The following DNAH8 variants were observed in gnomAD, a reference collection of about 807,000 sequenced individuals.
DNAH8 encodes axonemal beta dynein heavy chain 8.
DNAH8 carries 382 observed loss-of-function variants against 562.1 expected under a neutral mutation model. That is an observed-to-expected ratio of 0.68 (90% CI 0.63 to 0.74). The LOEUF is 0.74. Among genes scored for constraint, DNAH8 ranks in the 30% least tolerant of loss-of-function variants. The pLI is 0.00. For missense variants in DNAH8, 5,203 were observed against 5,620.4 expected, an observed-to-expected ratio of 0.93 and a Z score of 2.37; for synonymous variants, 1,881 against 1,919.4, an observed-to-expected ratio of 0.98 and a Z score of 0.52.
chr6:38,803,333 T>C (rs1583046514), intron 22 of DNAH8, 22 bp downstream of exon 22: 1 of 1,580,808 alleles, frequency 6.3e-7, no homozygotes, highest in East Asian at 2.3e-5. Flanking sequence ...CGTTACTGTG[T>C]TTGAATTACA....
In DNAH8 at chr6:38,866,749, C is replaced by A. The variant is rs776052303; in HGVS notation, c.6586-20C>A. Reference sequence around the variant, plus strand: ...TGTTTTTCACTAAAGTTGAAAAAAACTCACTATATTAATTTTCAGATCATT... The same window carrying A: ...TGTTTTTCACTAAAGTTGAAAAAAAATCACTATATTAATTTTCAGATCATT... On this transcript the variant is annotated intron_variant, in intron 46 of 92. Transcript: ENST00000327475. 6 of 1,598,868 alleles carry A rather than the reference C, an allele frequency of 3.8e-6. No individual in the cohort carries two copies. In the African/African-American group the frequency reaches 8.1e-5, roughly 22 times the overall value.
intron 57 of DNAH8, among the ~76,000 whole-genome samples, chr6:38,888,535 C>A (rs1779118525): frequency 6.6e-6 from 1 of 151,912 alleles, no homozygotes; most frequent in South Asian, 2.1e-4. Context: ...TCCTATAAAT[C>A]AGTCAGTCAA....
In DNAH8 at chr6:38,838,049, T is replaced by C. The variant is rs780754826; in HGVS notation, c.4466+7T>C. On this transcript the variant is annotated splice_region_variant and intron_variant, in intron 33 of 92. Coordinates refer to ENST00000327475, the MANE Select transcript of DNAH8 (RefSeq NM_001206927.2). ...AGGTTTTACACAAAACCAGGTAAGT[T>C]TAGAAAATAAGCAAGTATTACATGC... The C allele has an allele frequency of 6.3e-7, 1 of 1,576,988 alleles. No homozygotes were observed. Among genetic ancestry groups the C allele is most frequent in the East Asian group, 2.2e-5 (1 of 44,546 alleles).
chr6:38,958,304 C>A (rs112356455), intron 82 of DNAH8, among the ~76,000 whole-genome samples: 1 of 150,610 alleles, frequency 6.6e-6, no homozygotes, highest in Non-Finnish European at 1.5e-5. Context: ...CGCGCCCGGC[C>A]GATAGAAATT....
In DNAH8 at chr6:38,788,164, T is replaced by TG. The variant is rs549899963; in HGVS notation, c.2583+1212_2583+1213insG. On this transcript the variant is annotated intron_variant, in intron 18 of 92. Coordinates refer to ENST00000327475, the MANE Select transcript of DNAH8 (RefSeq NM_001206927.2). ...ATTTCAGACTTTTCCTGTTTTTTTT[T>TG]TTGTTGTTGTTGGAGTCTTGCTCTG... Among the ~76,000 whole-genome samples the TG allele has an allele frequency of 2.1e-3, 322 of 151,614 alleles. 1 individual carries two copies. Among genetic ancestry groups the TG allele is most frequent in the Admixed American group, 3.4e-3 (51 of 15,192 alleles).
intron 41 of DNAH8, among the ~76,000 whole-genome samples, chr6:38,854,814 T>A (rs1008796926): frequency 6.6e-6 from 1 of 150,796 alleles, no homozygotes; most frequent in Non-Finnish European, 1.5e-5. Flanking sequence ...TTCAGGATTT[T>A]CTCTAGTGTA....
At chr6:38,962,192 G>A (rs1175642558) in intron 82 of DNAH8, among the ~76,000 whole-genome samples, 2 of 152,028 alleles carry the variant, frequency 1.3e-5, no homozygotes, top group Non-Finnish European at 2.9e-5. Flanking sequence ...GAGATTCAAT[G>A]TTGTAAAGAT....
intron 58 of DNAH8, among the ~76,000 whole-genome samples, chr6:38,893,691 C>T (rs1343483552): frequency 6.6e-6 from 1 of 152,134 alleles, no homozygotes; most frequent in East Asian, 1.9e-4. Flanking sequence ...CCCCATGCTA[C>T]TTGCTGTTTT....
chr6:38,891,470 C>T (rs1779336299), intron 58 of DNAH8, among the ~76,000 whole-genome samples: 1 of 152,218 alleles, frequency 6.6e-6, no homozygotes, highest in African/African-American at 2.4e-5. Context: ...GCACTTGTCT[C>T]CTGGGAAACC....
Position 38,886,914 on chromosome 6 carries a change from G to A in DNAH8, c.8383G>A (p.Gly2795Ser). 1 of 1,613,968 alleles carries A rather than the reference G, an allele frequency of 6.2e-7. No homozygotes were observed. Among genetic ancestry groups the A allele is most frequent in the Non-Finnish European group, 8.5e-7 (1 of 1,179,910 alleles). ...AGCAGCAATGATCCACCCTGGAGGT[G>A]GTCGAAATGATATTCCACAACGTTT... The part of the protein sequence containing the change: ...LIAAMIHPGG[G>S]RNDIPQRLKR... Residue 2795 changes from glycine (G) to serine (S), a missense_variant, in exon 57 of 93, where the codon GGT (glycine) becomes AGT (serine). Gly to Ser is a moderately conservative substitution (Grantham distance 56). This residue lies in a region of DNAH8 where 977 missense variants were observed against 1,061.8 expected (regional missense o/e 0.92). Coordinates refer to ENST00000327475, the MANE Select transcript of DNAH8 (RefSeq NM_001206927.2).
chr6:38,907,257 C>T (rs1025466675), intron 63 of DNAH8, among the ~76,000 whole-genome samples: 1 of 152,180 alleles, frequency 6.6e-6, no homozygotes, highest in Non-Finnish European at 1.5e-5. Flanking sequence ...CCTCTCCATC[C>T]AGTATGAAGG....
At chr6:38,748,728 T>C (rs1765167112) in intron 8 of DNAH8, among the ~76,000 whole-genome samples, 1 of 149,378 alleles carries the variant, frequency 6.7e-6, no homozygotes, top group Non-Finnish European at 1.5e-5. Flanking sequence ...CACTCCAGCC[T>C]GGGTGACAGA....
intron 52 of DNAH8, 117 bp downstream of exon 52, chr6:38,873,493 G>A (rs1055112329): frequency 1.6e-5 from 14 of 868,260 alleles, no homozygotes; most frequent in Non-Finnish European, 2.2e-5. Context: ...ATTTGATGAT[G>A]TGGCTGTAAA....
chr6:38,978,778 A>G (rs1378789012), intron 85 of DNAH8, among the ~76,000 whole-genome samples: 1 of 152,220 alleles, frequency 6.6e-6, no homozygotes, highest in Non-Finnish European at 1.5e-5. Flanking sequence ...ACTTTTCATC[A>G]GTGTTCTAAG....
chr6:38,826,247 A>G lies in DNAH8; in HGVS notation c.3939A>G (p.Ser1313=). ...YLNEEYKKKM[S]YMIAFINEYL... is the part of the protein sequence containing the mutation. ...ATGAAGAATACAAAAAGAAAATGTC[A>G]TACATGATAGCATTTATTAATGAAT... The change falls in exon 29 of 93, where the codon TCA becomes TCG. Residue 1313 remains serine, a synonymous_variant. Transcript: ENST00000327475. 1 of 1,613,658 alleles carries G rather than the reference A, an allele frequency of 6.2e-7. No individual in the cohort carries two copies. The highest frequency in any genetic ancestry group is 8.5e-7 in the Non-Finnish European group (1 of 1,179,674).
chr6:38,923,097 C>G lies in DNAH8; in HGVS notation c.10702C>G (p.Gln3568Glu). 6.2e-7 allele frequency: 1 copy of G among 1,613,552 alleles called. No individual in the cohort carries two copies. The highest frequency in any genetic ancestry group is 8.5e-7 in the Non-Finnish European group (1 of 1,179,732). The change falls in exon 72 of 93, where the codon CAG (glutamine) becomes GAG (glutamate). Residue 3568 changes from glutamine (Q) to glutamate (E), a missense_variant. This residue lies in a region of DNAH8 where 1,399 missense variants were observed against 1,518.4 expected (regional missense o/e 0.92). Coordinates refer to ENST00000327475, the MANE Select transcript of DNAH8 (RefSeq NM_001206927.2). ...CGCTGATACGTGCCGGAAAAAGATG[C>G]AGGCCGCCTCCACTCTCATCGATGG... ...NDADTCRKKM[Q>E]AASTLIDGLS...
chr6:38,733,528 G>A (rs568030383), intron 4 of DNAH8, among the ~76,000 whole-genome samples: 24 of 152,154 alleles, frequency 1.6e-4, no homozygotes, highest in Non-Finnish European at 3.4e-4. Context: ...TGGGATAGGA[G>A]AACAGGTTGT....
At chr6:38,755,740 C>G (rs1054460386) in intron 9 of DNAH8, among the ~76,000 whole-genome samples, 1 of 152,002 alleles carries the variant, frequency 6.6e-6, no homozygotes, top group African/African-American at 2.4e-5. Flanking sequence ...TTCTCTTTAC[C>G]CAGTTTCTCC....
At chr6:38,741,375 C>T (rs577060396) in intron 7 of DNAH8, among the ~76,000 whole-genome samples, 16 of 152,026 alleles carry the variant, frequency 1.1e-4, no homozygotes, top group African/African-American at 2.9e-4. Flanking sequence ...TGCACTCTAG[C>T]GTAGGCAGCA....
Sources: allele counts gnomAD v4.1 joint callset (sites outside exome capture counted in the v4.1 genomes callset), GRCh38; gene constraint gnomAD v4.1.1; regional missense constraint gnomAD v4.1.1; transcripts MANE v1.5; gene names NCBI Gene and HGNC (gene_info 2026-07-23, HGNC 2026-07-21).